Variants in LRFN2 observed in about 807,000 individuals in gnomAD.
LRFN2 encodes leucine-rich repeat and fibronectin type-III domain-containing protein 2.
Under a neutral mutation model 37.3 loss-of-function variants are expected in LRFN2, and 18 were observed. That is an observed-to-expected ratio of 0.48 (90% CI 0.33 to 0.72). LRFN2 has a LOEUF of 0.72. Ranked by LOEUF, LRFN2 falls within the 30% of genes least tolerant of loss-of-function variation. LRFN2 has a pLI of 0.02. For synonymous variants in LRFN2, 556 were observed against 466.6 expected (o/e 1.19, Z -2.47); for missense variants, 1,006 against 1,060.7 (o/e 0.95, Z 0.72).
At chr6:40,425,345 C>G (rs746021925) in intron 2 of LRFN2, among the ~76,000 whole-genome samples, 2 of 152,236 alleles carry the variant, frequency 1.3e-5, no homozygotes, top group Non-Finnish European at 2.9e-5. Flanking sequence ...CTGCTCTTCC[C>G]CTGGCTCTCC....
chr6:40,563,964 C>T (rs992613945), intron 1 of LRFN2, among the ~76,000 whole-genome samples: 1 of 152,324 alleles, frequency 6.6e-6, no homozygotes, highest in East Asian at 1.9e-4. Flanking sequence ...ACTGCACTTA[C>T]CAACCGTGGT....
chr6:40,427,762 C>A (rs1042276991), intron 2 of LRFN2, among the ~76,000 whole-genome samples: 1 of 152,220 alleles, frequency 6.6e-6, no homozygotes, highest in African/African-American at 2.4e-5. Context: ...ATATTCACCC[C>A]TTTCCTGTCT....
intron 1 of LRFN2, among the ~76,000 whole-genome samples, chr6:40,448,271 G>A (rs945801709): frequency 6.6e-5 from 10 of 152,094 alleles, no homozygotes; most frequent in African/African-American, 2.4e-4. Context: ...TGAGTTTTGT[G>A]CTTCTCCTGC....
chr6:40,440,677 C>G (rs1763814070), intron 1 of LRFN2, among the ~76,000 whole-genome samples: 1 of 152,068 alleles, frequency 6.6e-6, no homozygotes, highest in South Asian at 2.1e-4. Context: ...GTGAGGGAGA[C>G]AGAGGATAAA....
At chr6:40,514,354 G>A (rs1426561507) in intron 1 of LRFN2, among the ~76,000 whole-genome samples, 1 of 151,834 alleles carries the variant, frequency 6.6e-6, no homozygotes, top group East Asian at 1.9e-4. Flanking sequence ...TTGCTCTGTC[G>A]CCCAGGCTGG....
chr6:40,518,398 A>G (rs1457736815), intron 1 of LRFN2, among the ~76,000 whole-genome samples: 3 of 152,198 alleles, frequency 2.0e-5, no homozygotes, highest in African/African-American at 7.2e-5. Context: ...ATAGAGGATT[A>G]AGTAAGTTGC....
At chr6:40,424,653 T>C (rs1174810321) in intron 2 of LRFN2, among the ~76,000 whole-genome samples, 1 of 152,150 alleles carries the variant, frequency 6.6e-6, no homozygotes, top group Non-Finnish European at 1.5e-5. Flanking sequence ...AGGAGCTGCC[T>C]TTCCTCCCTG....
intron 1 of LRFN2, among the ~76,000 whole-genome samples, chr6:40,577,018 C>T (rs1393625987): frequency 6.6e-6 from 1 of 151,992 alleles, no homozygotes; most frequent in Non-Finnish European, 1.5e-5. Flanking sequence ...TTCCCTCCTC[C>T]AGTCTGGTTC....
intron 1 of LRFN2, among the ~76,000 whole-genome samples, chr6:40,511,756 G>A (rs549405382): frequency 8.6e-4 from 131 of 152,342 alleles, no homozygotes; most frequent in Middle Eastern, 3.4e-3. Flanking sequence ...CCAGCTCCTG[G>A]CAGGTAGAGA....
chr6:40,495,717 G>C (rs1033408287), intron 1 of LRFN2, among the ~76,000 whole-genome samples: 2 of 152,096 alleles, frequency 1.3e-5, no homozygotes, highest in African/African-American at 4.8e-5. Flanking sequence ...TTCCTTTCCA[G>C]CCTCCTTTGC....
intron 1 of LRFN2, among the ~76,000 whole-genome samples, chr6:40,569,011 A>C (rs1424706520): frequency 6.6e-6 from 1 of 152,226 alleles, no homozygotes; most frequent in Non-Finnish European, 1.5e-5. Flanking sequence ...CACTGCCTCC[A>C]AGCGAGGATA....
chr6:40,471,460 T>C (rs1208726595), intron 1 of LRFN2, among the ~76,000 whole-genome samples: 2 of 152,160 alleles, frequency 1.3e-5, no homozygotes, highest in Non-Finnish European at 2.9e-5. Flanking sequence ...CTCTCCCCAG[T>C]ACACACTGAA....
At chr6:40,568,688 CT>C (rs545732384) in intron 1 of LRFN2, among the ~76,000 whole-genome samples, 5,810 of 64,320 alleles carry the variant, frequency 0.09, 399 homozygotes, top group African/African-American at 0.23. Context: ...CCCCCATTTC[CT>C]TCCTTCCTTC....
chr6:40,428,473 T>C (rs907642777), intron 2 of LRFN2, among the ~76,000 whole-genome samples: 1 of 152,228 alleles, frequency 6.6e-6, no homozygotes, highest in Admixed American at 6.5e-5. Flanking sequence ...CTGGTGTCCA[T>C]GCTTTCTAAT....
chr6:40,557,967 G>C (rs1766921786), intron 1 of LRFN2, among the ~76,000 whole-genome samples: 1 of 152,154 alleles, frequency 6.6e-6, no homozygotes, highest in Non-Finnish European at 1.5e-5. Context: ...GCTGTTACCT[G>C]GTTTCTAAGT....
chr6:40,562,027 C>T (rs1255046290), intron 1 of LRFN2, among the ~76,000 whole-genome samples: 1 of 152,196 alleles, frequency 6.6e-6, no homozygotes, highest in Non-Finnish European at 1.5e-5. Context: ...GAATGAATGA[C>T]TGAATGAATG....
At chr6:40,434,222 A>G (rs1381449891) in intron 1 of LRFN2, among the ~76,000 whole-genome samples, 1 of 152,230 alleles carries the variant, frequency 6.6e-6, no homozygotes, top group East Asian at 1.9e-4. Flanking sequence ...TGCCTGGCAC[A>G]TAGTAGGTGC....
chr6:40,444,238 C>T (rs1015254952), intron 1 of LRFN2, among the ~76,000 whole-genome samples: 1 of 151,932 alleles, frequency 6.6e-6, no homozygotes, highest in Non-Finnish European at 1.5e-5. Flanking sequence ...ATAATTAAGG[C>T]ACTTGGAAGT....
At chr6:40,458,043 G>A (rs1331599918) in intron 1 of LRFN2, among the ~76,000 whole-genome samples, 1 of 152,188 alleles carries the variant, frequency 6.6e-6, no homozygotes, top group African/African-American at 2.4e-5. Context: ...GCCCATAGTG[G>A]ATTTTGTGAG....
Sources: gnomAD v4.1 joint callset for allele counts (sites outside exome capture counted in the v4.1 genomes callset) on GRCh38, gnomAD v4.1.1 for gene constraint, MANE v1.5 for transcripts, NCBI Gene and HGNC (gene_info 2026-07-23, HGNC 2026-07-21) for gene names.